MANEAL: variants seen among roughly 807,000 people sequenced by gnomAD.
MANEAL encodes mannosidase endo-alpha like, also known as glycoprotein endo-alpha-1,2-mannosidase-like protein.
A neutral mutation model predicts 35.9 loss-of-function variants in MANEAL; 28 were observed. That is an observed-to-expected ratio of 0.78 (90% confidence interval 0.58 to 1.07). The LOEUF is 1.07. Ranked by LOEUF, MANEAL falls within the 50% of genes least tolerant of loss-of-function variation. The probability of loss-of-function intolerance (pLI) is 0.00; values close to 1 mark genes in which losing one functional copy is unlikely to be tolerated. For synonymous variants in MANEAL, 286 were observed against 272.2 expected, an observed-to-expected ratio of 1.05 and a Z score of -0.50; for missense variants, 576 against 629.6, an observed-to-expected ratio of 0.91 and a Z score of 0.91.
intron 3 of MANEAL, among the ~76,000 whole-genome samples, chr1:37,798,150 T>TA (rs368612702): frequency 1.3e-5 from 2 of 150,596 alleles, no homozygotes; most frequent in African/African-American, 4.9e-5. Context: ...TTCTGTCTCT[T>TA]AAAAAAACAA....
In MANEAL at chr1:37,794,073, C is replaced by T; in HGVS notation, c.-110C>T. The T allele has an allele frequency of 4.0e-6, 3 of 742,206 alleles. No individual in the cohort carries two copies. The highest frequency in any genetic ancestry group is 5.0e-6 in the Non-Finnish European group (3 of 596,240). The allele number at this position is 742,206 out of a possible 1,614,324, so 46.0% of individuals were successfully genotyped here. On this transcript the variant is annotated 5_prime_UTR_variant, in exon 1 of 4. Coordinates refer to ENST00000373045, the MANE Select transcript of MANEAL (RefSeq NM_001113482.2). The surrounding 1 kb of genome is among the most constrained non-coding windows in gnomAD (Gnocchi z 5.7). The stretch of plus-strand genomic sequence containing the variant: ...GGGGACAGGCCGGGCGCCGCCCACG[C>T]CGCGCTCTGCCGGGCGCACAGTCTG...
rs1368221781 is a variant in MANEAL, at chr1:37,794,236, C to T, written c.54C>T (p.Phe18=). The part of the protein sequence containing the change: ...ACIALFLVLL[F]AFGTLMGLRT... ...TCGCTCTGTTCCTGGTGCTGCTCTT[C>T]GCCTTCGGCACCCTCATGGGTCTGC... The change falls in exon 1 of 4, where the codon TTC becomes TTT. Residue 18 remains phenylalanine (F), a synonymous_variant. Transcript: ENST00000373045. The surrounding 1 kb of genome is among the most constrained non-coding windows in gnomAD (Gnocchi z 5.7). 2.3e-6 allele frequency: 3 copies of T among 1,333,324 alleles called. No individual in the cohort carries two copies. In the Admixed American group the frequency reaches 8.5e-5, roughly 38 times the overall value. The allele number at this position is 1,333,324 out of a possible 1,614,324, so 82.6% of individuals were successfully genotyped here.
chr1:37,795,957 A>G lies in MANEAL; in HGVS notation c.660+111A>G, dbSNP rs1646642467. The G allele has an allele frequency of 4.7e-6, 4 of 857,888 alleles. No individual in the cohort carries two copies. The Admixed American group carries it at 6.8e-5, about 15-fold the overall frequency. 53.1% of individuals were successfully genotyped at this position (857,888 alleles called of 1,614,324 possible). ...AAGTTCTTGGCAGTAGCCCAAAGGG[A>G]TAACAAATATGTGGCAAGTGTGGTT... is the stretch of plus-strand genomic sequence containing the variant. On this transcript the variant is annotated intron_variant, in intron 2 of 3. Coordinates refer to ENST00000373045, the MANE Select transcript of MANEAL (RefSeq NM_001113482.2).
intron 3 of MANEAL, among the ~76,000 whole-genome samples, chr1:37,797,463 GC>G (rs1646654705): frequency 1.6e-5 from 1 of 63,196 alleles, no homozygotes; most frequent in Admixed American, 3.0e-4. Flanking sequence ...TAATGCCAGT[GC>G]TTTTTTTTTT....
rs753676399 is a variant in MANEAL at position 37,799,755 on chromosome 1, GCCACACCCACGA to G, written c.927_938del (p.His310_Asp313del). ...TTCATAGCGCTGCTGGTGGAGGAGG[GCCACACCCACGA>G]TATCCTGGCCGCCGGATTTGACGGC... On this transcript the variant is annotated inframe_deletion, in exon 4 of 4. Coordinates refer to ENST00000373045, the MANE Select transcript of MANEAL (RefSeq NM_001113482.2). The surrounding 1 kb of genome is among the most constrained non-coding windows in gnomAD (Gnocchi z 4.1). 1 of 1,614,214 alleles carries G rather than the reference GCCACACCCACGA, an allele frequency of 6.2e-7. No individual in the cohort carries two copies. Among genetic ancestry groups the G allele is most frequent in the South Asian group, 1.1e-5 (1 of 91,088 alleles).
chr1:37,800,174 A>G lies in MANEAL; in HGVS notation c.1345A>G (p.Ile449Val). The change falls in exon 4 of 4, where the codon ATC (isoleucine) becomes GTC (valine). Residue 449 changes from isoleucine (I) to valine (V), a missense_variant. Ile to Val is a conservative substitution (Grantham distance 29, BLOSUM62 3). Transcript: ENST00000373045. Reference sequence around the variant, plus strand: ...GACACGCCGCTGGGCGGAGCACTTCATCAAAGAGAAGGAGCAGTGGCTCAT... The same window carrying G: ...GACACGCCGCTGGGCGGAGCACTTCGTCAAAGAGAAGGAGCAGTGGCTCAT... ...ELTRRWAEHF[I>V]KEKEQWLM is the part of the protein sequence containing the mutation. 6.2e-7 allele frequency: 1 copy of G among 1,613,690 alleles called. No homozygotes were observed. The highest frequency in any genetic ancestry group is 8.5e-7 in the Non-Finnish European group (1 of 1,180,012).
Position 37,794,285 on chromosome 1 carries a change from C to T in MANEAL, c.103C>T (p.Leu35Phe). The change falls in exon 1 of 4, where the codon CTC becomes TTC. Residue 35 changes from leucine (L) to phenylalanine (F), a missense_variant. Leu to Phe is a conservative substitution (Grantham distance 22). Transcript: ENST00000373045. This position sits in a 1 kb window ranked among gnomAD's most constrained non-coding sequence, Gnocchi z 5.7. ...GCGCACGCTCAAGGCTCCGGACGGA[C>T]TCCCGGCGCTGGGCCCGGGCCTGGA... ...GLRTLKAPDG[L>F]PALGPGLELA... The T allele has an allele frequency of 3.2e-6, 4 of 1,245,212 alleles. No individual in the cohort carries two copies. Among genetic ancestry groups the T allele is most frequent in the Non-Finnish European group, 3.1e-6 (3 of 982,294 alleles). The allele number at this position is 1,245,212 out of a possible 1,614,324, so 77.1% of individuals were successfully genotyped here.
At chr1:37,797,732 G>T (rs892701611) in intron 3 of MANEAL, among the ~76,000 whole-genome samples, 24 of 152,074 alleles carry the variant, frequency 1.6e-4, no homozygotes, top group African/African-American at 5.6e-4. Flanking sequence ...CTTGAGCTCA[G>T]AAGTTTGAGG....
In MANEAL at chr1:37,794,782, T is replaced by C; in HGVS notation, c.550+50T>C. 1 of 1,200,676 alleles carries C rather than the reference T, an allele frequency of 8.3e-7. No homozygotes were observed. The highest frequency in any genetic ancestry group is 1.2e-6 in the Non-Finnish European group (1 of 850,264). The allele number at this position is 1,200,676 out of a possible 1,614,324, so 74.4% of individuals were successfully genotyped here. On this transcript the variant is annotated intron_variant, in intron 1 of 3. Coordinates refer to ENST00000373045, the MANE Select transcript of MANEAL (RefSeq NM_001113482.2). The surrounding 1 kb of genome is among the most constrained non-coding windows in gnomAD (Gnocchi z 5.7). ...CCCTGCCCCCCAGCCTCACCCTTCC[T>C]CCTTCCCACACCCCAGCTCCCTCTG...
At chr1:37,795,395 A>T in intron 1 of MANEAL, 1 of 674,082 alleles carries the variant, frequency 1.5e-6, no homozygotes, top group Non-Finnish European at 2.0e-6. Context: ...CGTTAGGGTT[A>T]GGGGTGCTTC....
chr1:37,794,461 C>T lies in MANEAL; in HGVS notation c.279C>T (p.Pro93=). The change falls in exon 1 of 4, where the codon CCC becomes CCT. Residue 93 remains proline (P), a synonymous_variant. Transcript: ENST00000373045. This position sits in a 1 kb window ranked among gnomAD's most constrained non-coding sequence, Gnocchi z 5.7. ...SPGPAPAEAE[P]APVQSLRVYS... ...GGCCGGCACCCGCGGAGGCCGAGCCCGCCCCCGTGCAGAGCCTGCGCGTCT... is the reference window on the plus strand; with the variant it reads ...GGCCGGCACCCGCGGAGGCCGAGCCTGCCCCCGTGCAGAGCCTGCGCGTCT... The T allele has an allele frequency of 6.4e-7, 1 of 1,563,548 alleles. No individual in the cohort carries two copies. Among genetic ancestry groups the T allele is most frequent in the East Asian group, 2.4e-5 (1 of 41,912 alleles).
At chr1:37,797,333 G>A (rs1009253991) in intron 3 of MANEAL, among the ~76,000 whole-genome samples, 1 of 151,690 alleles carries the variant, frequency 6.6e-6, no homozygotes, top group Non-Finnish European at 1.5e-5. Context: ...TCTGGGAGGC[G>A]GAGGTTGCAG....
At position 37,799,001 on chromosome 1, in the gene MANEAL, C is replaced by T. The variant is rs141064183; in HGVS notation, c.738-566C>T. ...GTTGCAGTGAGCTGAGATCGCCCAC[C>T]GCACTCCAGCTCTGAGCAACAGAGC... is the stretch of plus-strand genomic sequence containing the variant. On this transcript the variant is annotated intron_variant, in intron 3 of 3. Transcript: ENST00000373045. This position sits in a 1 kb window ranked among gnomAD's most constrained non-coding sequence, Gnocchi z 4.1. 2.6e-5 allele frequency among the ~76,000 whole-genome samples: 4 copies of T among 152,018 alleles called. No individual in the cohort carries two copies. Among genetic ancestry groups the T allele is most frequent in the African/African-American group, 7.2e-5 (3 of 41,458 alleles).
rs1646619875 is a variant in MANEAL, at chr1:37,794,058, C to G, written c.-125C>G. ...GCCCGCCCGCACTGCGGGGACAGGC[C>G]GGGCGCCGCCCACGCCGCGCTCTGC... On this transcript the variant is annotated 5_prime_UTR_variant, in exon 1 of 4. Transcript: ENST00000373045. The surrounding 1 kb of genome is among the most constrained non-coding windows in gnomAD (Gnocchi z 5.7). 1.1e-5 allele frequency: 6 copies of G among 537,018 alleles called. No individual in the cohort carries two copies. Among genetic ancestry groups the G allele is most frequent in the Non-Finnish European group, 1.5e-5 (6 of 411,378 alleles). 33.3% of individuals were successfully genotyped at this position (537,018 alleles called of 1,614,324 possible).
intron 1 of MANEAL, 181 bp from the exon 2 acceptor site, chr1:37,795,556 C>G: frequency 7.1e-7 from 1 of 1,414,428 alleles, no homozygotes; most frequent in South Asian, 1.5e-5. Flanking sequence ...TTCAGCACCG[C>G]GGGCGTGGAC....
chr1:37,794,759 C>T lies in MANEAL; in HGVS notation c.550+27C>T, dbSNP rs1380101553. 4 of 1,474,818 alleles carry T rather than the reference C, an allele frequency of 2.7e-6. No individual in the cohort carries two copies. The highest frequency in any genetic ancestry group is 1.8e-4 in the Middle Eastern group (1 of 5,642). The allele number at this position is 1,474,818 out of a possible 1,614,324, so 91.4% of individuals were successfully genotyped here. A position where few individuals can be genotyped will look rare whatever the true frequency, so the allele number is the denominator to read the frequency against. ...TGAGCGCCCCCCACCCCGGGCGGCC[C>T]TGCCCCCCAGCCTCACCCTTCCTCC... On this transcript the variant is annotated intron_variant, in intron 1 of 3. Transcript: ENST00000373045. This position sits in a 1 kb window ranked among gnomAD's most constrained non-coding sequence, Gnocchi z 5.7.
In MANEAL at chr1:37,794,586, C is replaced by T. The variant is rs565282834; in HGVS notation, c.404C>T (p.Pro135Leu). 9.6e-5 allele frequency: 154 copies of T among 1,611,810 alleles called. 2 individuals are homozygous for T. In the East Asian group the frequency reaches 3.4e-3, roughly 35 times the overall value. Residue 135 changes from proline to leucine, a missense_variant, in exon 1 of 4, where the codon CCC becomes CTC. By Grantham distance (98) the Pro-to-Leu change is moderately conservative (BLOSUM62 -3). This residue lies in a region of MANEAL where 449 missense variants were observed against 516.1 expected (regional missense o/e 0.87). Transcript: ENST00000373045. This position sits in a 1 kb window ranked among gnomAD's most constrained non-coding sequence, Gnocchi z 5.7. The part of the protein sequence containing the change: ...WDHVMVPHWD[P>L]KISASYPRGR... ...CACGTCATGGTGCCGCACTGGGACC[C>T]CAAGATCTCGGCCAGCTACCCCCGC...
In MANEAL at chr1:37,798,261, A is replaced by C. The variant is rs961067345; in HGVS notation, c.738-1306A>C. On this transcript the variant is annotated intron_variant, in intron 3 of 3. Coordinates refer to ENST00000373045, the MANE Select transcript of MANEAL (RefSeq NM_001113482.2). ...GGACTAGCGAAATTTCTGATTTCATAATGTTTACTTTCTAGTGTATGTTGC... is the reference window on the plus strand; with the variant it reads ...GGACTAGCGAAATTTCTGATTTCATCATGTTTACTTTCTAGTGTATGTTGC... 3.9e-5 allele frequency among the ~76,000 whole-genome samples: 6 copies of C among 152,214 alleles called. No individual in the cohort carries two copies. In the East Asian group the frequency reaches 1.2e-3, roughly 29 times the overall value.
intron 2 of MANEAL, among the ~76,000 whole-genome samples, chr1:37,796,318 G>A (rs1194990219): frequency 6.6e-6 from 1 of 152,138 alleles, no homozygotes; most frequent in Non-Finnish European, 1.5e-5. Flanking sequence ...CTTCTGTGGT[G>A]AAGGAAGAAA....
Sources: gnomAD v4.1 joint callset for allele counts (sites outside exome capture counted in the v4.1 genomes callset) on GRCh38, gnomAD v4.1.1 for gene constraint, gnomAD v4.1.1 regional missense constraint, Gnocchi (gnomAD v3.1) non-coding constraint, MANE v1.5 for transcripts, NCBI Gene and HGNC (gene_info 2026-07-23, HGNC 2026-07-21) for gene names.